PTPRF: variants seen among roughly 807,000 people sequenced by gnomAD.
PTPRF encodes protein tyrosine phosphatase receptor type F, also known as receptor-type tyrosine-protein phosphatase F.
Under a neutral mutation model 201.8 loss-of-function variants are expected in PTPRF, and 59 were observed. The ratio of observed to expected loss-of-function variants is 0.29; its 90% CI spans 0.24 to 0.36. PTPRF has a LOEUF of 0.36. PTPRF is among the 10% of genes least tolerant of loss of function. The probability of loss-of-function intolerance (pLI) is 1.00; values close to 1 mark genes in which losing one functional copy is unlikely to be tolerated. For missense variants in PTPRF, 2,132 were observed against 2,690.5 expected (o/e 0.79, Z 4.59); for synonymous variants, 1,088 against 1,089.7 (o/e 1.00, Z 0.03).
intron 8 of PTPRF, among the ~76,000 whole-genome samples, chr1:43,589,888 C>T (rs915515952): frequency 6.6e-6 from 1 of 151,870 alleles, no homozygotes; most frequent in Non-Finnish European, 1.5e-5. Context: ...AAACCAGATT[C>T]CTTCCTGGTC....
chr1:43,523,579 G>T (rs1643013686), upstream of PTPRF, among the ~76,000 whole-genome samples: 1 of 152,022 alleles, frequency 6.6e-6, no homozygotes, highest in Non-Finnish European at 1.5e-5. Flanking sequence ...AGAGGTCTAA[G>T]AAAATGAATA....
chr1:43,612,099 A>G (rs1371350095), intron 22 of PTPRF, among the ~76,000 whole-genome samples: 1 of 152,182 alleles, frequency 6.6e-6, no homozygotes, highest in Non-Finnish European at 1.5e-5. Flanking sequence ...AGACGAGAGC[A>G]GGAGCGCAGT....
rs555440311 is a variant in PTPRF, at chr1:43,612,738, T to C, written c.3974-880T>C. On this transcript the variant is annotated intron_variant, in intron 22 of 33. Transcript: ENST00000359947. ...TTCTTTTCTTGCCCCGTTGTTTTTTTCGTTTGTTTGTTTGTTTTTTTCTCT... is the reference window on the plus strand; with the variant it reads ...TTCTTTTCTTGCCCCGTTGTTTTTTCCGTTTGTTTGTTTGTTTTTTTCTCT... 1.2e-5 allele frequency: 17 copies of C among 1,360,966 alleles called. No individual in the cohort carries two copies. In the South Asian group the frequency reaches 2.0e-4, roughly 16 times the overall value. 84.3% of individuals were successfully genotyped at this position (1,360,966 alleles called of 1,614,324 possible).
intron 3 of PTPRF, among the ~76,000 whole-genome samples, chr1:43,550,327 GC>G (rs1557687548): frequency 1.3e-5 from 2 of 152,112 alleles, no homozygotes; most frequent in East Asian, 3.8e-4. Context: ...TCTCCTCTCC[GC>G]TTCTTTGTTT....
rs560581140 is a variant in PTPRF, at chr1:43,530,931, G to A, written c.-285G>A. 112 of 153,946 alleles carry A rather than the reference G, an allele frequency of 7.3e-4. No homozygotes were observed. In the East Asian group the frequency reaches 0.019, roughly 26 times the overall value. The allele number at this position is 153,946 out of a possible 1,614,324, so 9.5% of individuals were successfully genotyped here. On this transcript the variant is annotated 5_prime_UTR_variant, in exon 1 of 34. Transcript: ENST00000359947. The surrounding 1 kb of genome is among the most constrained non-coding windows in gnomAD (Gnocchi z 4.1). ...AGGCGGCGGCTCCAGCTTCGGCTCC[G>A]GCTCGGGCTCGGGCTCCGGCTCCGG... is the stretch of plus-strand genomic sequence containing the variant.
intron 1 of PTPRF, among the ~76,000 whole-genome samples, 188 bp from the exon 2 acceptor site, chr1:43,538,010 A>G (rs1184034624): frequency 6.6e-6 from 1 of 152,160 alleles, no homozygotes; most frequent in African/African-American, 2.4e-5. Flanking sequence ...GAGTATCAAA[A>G]TGAATGAGCG....
intron 3 of PTPRF, among the ~76,000 whole-genome samples, chr1:43,551,736 T>C (rs529018933): frequency 7.2e-5 from 11 of 152,296 alleles, no homozygotes; most frequent in African/African-American, 2.6e-4. Context: ...GCGGTAAGAC[T>C]GATAATGCTG....
At position 43,554,969 on chromosome 1, in the gene PTPRF, C is replaced by T. The variant is rs563417008; in HGVS notation, c.379+1028C>T. ...CCCGGGTTCAAGCGATTCTCCTGCC[C>T]GGCCTCCCAAGTAGCTGGGATTACA... is the stretch of plus-strand genomic sequence containing the variant. On this transcript the variant is annotated intron_variant, in intron 5 of 33. Transcript: ENST00000359947. The surrounding 1 kb of genome is among the most constrained non-coding windows in gnomAD (Gnocchi z 4.1). Among the ~76,000 whole-genome samples, 7 of 151,336 alleles carry T rather than the reference C, an allele frequency of 4.6e-5. No homozygotes were observed. The highest frequency in any genetic ancestry group is 1.9e-4 in the East Asian group (1 of 5,158).
At position 43,570,560 on chromosome 1, in the gene PTPRF, TCTGC is replaced by T. The variant is rs755990428; in HGVS notation, c.568+786_568+789del. Among the ~76,000 whole-genome samples the T allele has an allele frequency of 5.9e-5, 9 of 152,262 alleles. No homozygotes were observed. In the East Asian group the frequency reaches 7.7e-4, roughly 13 times the overall value. ...ATGGCCAGTGCCGGCCAGAGCCCCTTCTGCCTGTCAGTTGTGATGTCAATGATGA... is the reference window on the plus strand; with the variant it reads ...ATGGCCAGTGCCGGCCAGAGCCCCTTCTGTCAGTTGTGATGTCAATGATGA... On this transcript the variant is annotated intron_variant, in intron 6 of 33. Coordinates refer to ENST00000359947, the MANE Select transcript of PTPRF (RefSeq NM_002840.5).
intron 5 of PTPRF, among the ~76,000 whole-genome samples, chr1:43,564,828 C>G (rs1002767863): frequency 1.3e-5 from 2 of 152,170 alleles, no homozygotes; most frequent in Non-Finnish European, 2.9e-5. Flanking sequence ...TGCTGCCTGC[C>G]CCAGGACCCT....
rs144665293 is a variant in PTPRF, at chr1:43,597,987, C to T, written c.2053C>T (p.Arg685Trp). The T allele has an allele frequency of 6.0e-5, 93 of 1,541,396 alleles. No individual in the cohort carries two copies. The African/African-American group carries it at 8.2e-4, about 14-fold the overall frequency. ...GTGGACGGAGTACCGGGTGTGGGTG[C>T]GGGCACACACAGACGTGGGCCCCGG... Reference protein sequence around the residue: ...EKWTEYRVWVRAHTDVGPGPE... With the variant: ...EKWTEYRVWVWAHTDVGPGPE... Residue 685 changes from arginine to tryptophan, a missense_variant, in exon 12 of 34, where the codon CGG (arginine) becomes TGG (tryptophan). Coordinates refer to ENST00000359947, the MANE Select transcript of PTPRF (RefSeq NM_002840.5).
chr1:43,619,786 G>T lies in PTPRF; in HGVS notation c.5039G>T (p.Arg1680Leu). The T allele has an allele frequency of 3.7e-6, 6 of 1,614,234 alleles. No homozygotes were observed. Among genetic ancestry groups the T allele is most frequent in the Non-Finnish European group, 5.1e-6 (6 of 1,180,024 alleles). ...AACATCATGCCCTACGAATTGACCC[G>T]TGTGTGTCTGCAGCCCATCCGTGGT... The part of the protein sequence containing the change: ...LVNIMPYELT[R>L]VCLQPIRGVE... Residue 1680 changes from arginine to leucine, a missense_variant, in exon 29 of 34, where the codon CGT (arginine) becomes CTT (leucine). Physicochemically the swap from Arg to Leu is moderately radical, Grantham distance 102. This residue lies in a region of PTPRF where 519 missense variants were observed against 659.5 expected (regional missense o/e 0.79). Coordinates refer to ENST00000359947, the MANE Select transcript of PTPRF (RefSeq NM_002840.5).
At chr1:43,536,415 C>T in intron 1 of PTPRF, among the ~76,000 whole-genome samples, 1 of 152,230 alleles carries the variant, frequency 6.6e-6, no homozygotes, top group Non-Finnish European at 1.5e-5. Context: ...CCCCTGGCCA[C>T]TTTGGGTACA....
chr1:43,606,666 A>T lies in PTPRF; in HGVS notation c.3703-148A>T, dbSNP rs906692925. 3 of 1,229,824 alleles carry T rather than the reference A, an allele frequency of 2.4e-6. No individual in the cohort carries two copies. The African/African-American group carries it at 4.5e-5, about 19-fold the overall frequency. 76.2% of individuals were successfully genotyped at this position (1,229,824 alleles called of 1,614,324 possible). On this transcript the variant is annotated intron_variant, in intron 20 of 33. Coordinates refer to ENST00000359947, the MANE Select transcript of PTPRF (RefSeq NM_002840.5). ...GGCCAGACCTAATGTGGCTCCAGGG[A>T]CCCAGTCCTGCCAGGTCCACCTTGT...
Position 43,545,248 on chromosome 1 carries a change from C to G in PTPRF, c.91+82C>G, listed in dbSNP as rs1487589850. On this transcript the variant is annotated intron_variant, in intron 3 of 33. Transcript: ENST00000359947. ...AGCAGGACTCTGGGATGGGGACAGA[C>G]CGGCTACTAGGAGAGACAGGGTGGC... 9 of 1,414,426 alleles carry G rather than the reference C, an allele frequency of 6.4e-6. No homozygotes were observed. The South Asian group carries it at 1.2e-4, about 18-fold the overall frequency. 87.6% of individuals were successfully genotyped at this position (1,414,426 alleles called of 1,614,324 possible). A position where few individuals can be genotyped will look rare whatever the true frequency, so the allele number is the denominator to read the frequency against.
chr1:43,597,108 CTGTG>C (rs1463656458), intron 11 of PTPRF, among the ~76,000 whole-genome samples: 3 of 151,618 alleles, frequency 2.0e-5, no homozygotes, highest in East Asian at 2.0e-4. Flanking sequence ...CTGTGAGAGA[CTGTG>C]TGAGAGACAC....
At chr1:43,619,612 A>G (rs753282316) in intron 28 of PTPRF, 39 bp downstream of exon 28, 3 of 1,610,930 alleles carry the variant, frequency 1.9e-6, no homozygotes, top group Admixed American at 3.3e-5. Context: ...CAGGGCCTAG[A>G]CTGGGTCATG....
At chr1:43,608,810 C>A (rs1291332806) in intron 21 of PTPRF, among the ~76,000 whole-genome samples, 2 of 152,210 alleles carry the variant, frequency 1.3e-5, no homozygotes, top group Admixed American at 1.3e-4. Flanking sequence ...TAGCCTCTGG[C>A]TATTTGTTGG....
chr1:43,583,433 T>C (rs1454384631), intron 7 of PTPRF, among the ~76,000 whole-genome samples: 2 of 152,156 alleles, frequency 1.3e-5, no homozygotes, highest in African/African-American at 2.4e-5. Flanking sequence ...CAGGCGGTGC[T>C]CAGGAATGGT....
Sources: allele counts gnomAD v4.1 joint callset (sites outside exome capture counted in the v4.1 genomes callset), GRCh38; gene constraint gnomAD v4.1.1; regional missense constraint gnomAD v4.1.1; non-coding constraint Gnocchi (gnomAD v3.1); transcripts MANE v1.5; gene names NCBI Gene and HGNC (gene_info 2026-07-23, HGNC 2026-07-21).